Variants in KANTR observed in about 807,000 individuals in gnomAD.
KANTR encodes the protein KDM5C adjacent transcript.
At chrX:53,112,861 C>T (rs1556813989) in intron 2 of KANTR, among the ~76,000 whole-genome samples, 1 of 111,062 alleles carries the variant, frequency 9.0e-6, no homozygotes, top group Non-Finnish European at 1.9e-5. Flanking sequence ...CTCTGTAATT[C>T]AAAAATTTGC....
chrX:53,116,208 T>C (rs781885541), intron 2 of KANTR, among the ~76,000 whole-genome samples: 92 of 111,947 alleles, frequency 8.2e-4, no homozygotes, highest in African/African-American at 2.8e-3. Context: ...CAGCCAGTGA[T>C]TGGTCAGAAT....
At chrX:53,099,812 C>T (rs1932874526) in intron 2 of KANTR, among the ~76,000 whole-genome samples, 1 of 112,276 alleles carries the variant, frequency 8.9e-6, no homozygotes, top group Non-Finnish European at 1.9e-5. Flanking sequence ...ACATCTCCAT[C>T]AGAGCTCTTA....
At chrX:53,107,484 AT>A (rs1932970138) in intron 2 of KANTR, among the ~76,000 whole-genome samples, 1 of 107,157 alleles carries the variant, frequency 9.3e-6, no homozygotes, top group African/African-American at 3.5e-5. Context: ...TGAAATTCTC[AT>A]AGAGATTATG....
chrX:53,113,147 A>G, intron 2 of KANTR: 1 of 273,010 alleles, frequency 3.7e-6, no homozygotes, highest in Non-Finnish European at 7.2e-6. Context: ...ATAGCAGTCA[A>G]TTCCAGCCAT....
chrX:53,096,376 A>G (rs1932845036), intron 1 of KANTR, among the ~76,000 whole-genome samples: 1 of 112,283 alleles, frequency 8.9e-6, no homozygotes, highest in African/African-American at 3.2e-5. Flanking sequence ...CAGGTTTTTC[A>G]CCTACATTAC....
intron 2 of KANTR, among the ~76,000 whole-genome samples, chrX:53,132,810 C>T (rs782735214): frequency 3.0e-4 from 34 of 111,802 alleles, no homozygotes; most frequent in African/African-American, 1.0e-3. Flanking sequence ...GGGTGCACTC[C>T]ACAGAGGACC....
chrX:53,145,074 G>C (rs781882675), downstream of KANTR, among the ~76,000 whole-genome samples: 20 of 111,817 alleles, frequency 1.8e-4, no homozygotes, highest in East Asian at 5.1e-3. Context: ...CTCCCAGCAT[G>C]AGCGATGCAG....
intron 2 of KANTR, among the ~76,000 whole-genome samples, chrX:53,136,536 CTT>C (rs57543669): frequency 0.035 from 1,880 of 53,159 alleles, 95 homozygotes; most frequent in African/African-American, 0.11. Flanking sequence ...CCGTTCCCGG[CTT>C]TTTTTTTTTT....
At chrX:53,116,277 G>A (rs1933122447) in intron 2 of KANTR, among the ~76,000 whole-genome samples, 1 of 112,179 alleles carries the variant, frequency 8.9e-6, no homozygotes, top group Non-Finnish European at 1.9e-5. Context: ...ATCTGCGTAA[G>A]AAAGCATTGC....
In KANTR at chrX:53,117,229, A is replaced by G. The variant is rs782448697; in HGVS notation, c.-804-6240A>G. 6.3e-5 allele frequency among the ~76,000 whole-genome samples: 7 copies of G among 111,819 alleles called. No individual in the cohort carries two copies. The South Asian group carries it at 1.9e-3, about 30-fold the overall frequency. ...CCCAAGAGGAGGTTGCAGGGAGCCAAGGTCACGCCACTGCACTCCAGCTTG... is the reference window on the plus strand; with the variant it reads ...CCCAAGAGGAGGTTGCAGGGAGCCAGGGTCACGCCACTGCACTCCAGCTTG... On this transcript the variant is annotated intron_variant, in intron 2 of 2. Coordinates refer to ENST00000604062, the Ensembl canonical transcript of KANTR.
At chrX:53,143,310 T>A, downstream of KANTR, 4 of 630,148 alleles carry the variant, frequency 6.3e-6, no homozygotes, top group East Asian at 3.4e-5. Context: ...AATCTCCTGC[T>A]TGGCCGTGAT....
chrX:53,096,330 A>G (rs1471926582), intron 1 of KANTR, among the ~76,000 whole-genome samples: 4 of 112,404 alleles, frequency 3.6e-5, no homozygotes, highest in Non-Finnish European at 7.5e-5. Flanking sequence ...GACTTTCTCA[A>G]TGAATGTTTG....
intron 1 of KANTR, among the ~76,000 whole-genome samples, chrX:53,096,747 G>A (rs1296587539): frequency 9.1e-6 from 1 of 110,189 alleles, no homozygotes; most frequent in East Asian, 2.8e-4. Context: ...GATTGCTTGA[G>A]CCCAGGAGGC....
At position 53,113,930 on chromosome X, in the gene KANTR, A is replaced by G. The variant is rs189378040; in HGVS notation, c.-804-9539A>G. 3.0e-4 allele frequency among the ~76,000 whole-genome samples: 31 copies of G among 102,539 alleles called. No homozygotes were observed. In the East Asian group the frequency reaches 9.9e-3, roughly 33 times the overall value. 89.0% of individuals were successfully genotyped at this position (102,539 alleles called of 115,157 possible). A position where few individuals can be genotyped will look rare whatever the true frequency, so the allele number is the denominator to read the frequency against. On this transcript the variant is annotated intron_variant, in intron 2 of 2. Transcript: ENST00000604062. The stretch of plus-strand genomic sequence containing the variant: ...AAAATTTATTTTGAGACAGAGTCTC[A>G]CTCTGTCACCCAGGCTGGAGTGCAG...
At position 53,136,940 on chromosome X, in the gene KANTR, A is replaced by G. The variant is rs782471875; in HGVS notation, n.204-4908A>G. Reference sequence around the variant, plus strand: ...GTATTTTTAGTAGAGACATCTCACTATGTTGCCCAGGCTGGTCTCAAACTC... The same window carrying G: ...GTATTTTTAGTAGAGACATCTCACTGTGTTGCCCAGGCTGGTCTCAAACTC... On this transcript the variant is annotated intron_variant and non_coding_transcript_variant, in intron 2 of 2. Coordinates refer to the KANTR transcript ENST00000366185. Among the ~76,000 whole-genome samples, 5 of 103,342 alleles carry G rather than the reference A, an allele frequency of 4.8e-5. No homozygotes were observed. In the South Asian group the frequency reaches 1.4e-3, roughly 28 times the overall value. The allele number at this position is 103,342 out of a possible 115,157, so 89.7% of individuals were successfully genotyped here.
At chrX:53,102,172 T>C (rs1422980097) in intron 2 of KANTR, among the ~76,000 whole-genome samples, 1 of 112,009 alleles carries the variant, frequency 8.9e-6, no homozygotes, top group Admixed American at 9.5e-5. Context: ...AACCTTCAAT[T>C]AGTAAAAGAC....
At chrX:53,115,371 G>A (rs1450045795) in intron 2 of KANTR, among the ~76,000 whole-genome samples, 3 of 112,372 alleles carry the variant, frequency 2.7e-5, no homozygotes, top group Non-Finnish European at 5.6e-5. Context: ...GCTGGGGTGG[G>A]CCTGAAACCT....
downstream of KANTR, chrX:53,143,221 A>G: frequency 1.5e-6 from 1 of 664,496 alleles, no homozygotes; most frequent in Non-Finnish European, 2.5e-6. Flanking sequence ...TTCTCCAGGG[A>G]GGAGGAGGAT....
At chrX:53,128,417 C>G (rs1556816472), downstream of KANTR, among the ~76,000 whole-genome samples, 1 of 111,502 alleles carries the variant, frequency 9.0e-6, no homozygotes, top group Non-Finnish European at 1.9e-5. Flanking sequence ...ACCAAGGAAG[C>G]TTTCTTGGAA....
Sources: allele counts gnomAD v4.1 joint callset (sites outside exome capture counted in the v4.1 genomes callset), GRCh38; gene constraint gnomAD v4.1.1; transcripts MANE v1.5; gene names NCBI Gene and HGNC (gene_info 2026-07-23, HGNC 2026-07-21).